LRP2: variants seen among roughly 807,000 people sequenced by gnomAD.
The protein encoded by LRP2 is low-density lipoprotein receptor-related protein 2.
Under a neutral mutation model 531.0 loss-of-function variants are expected in LRP2, and 172 were observed. The observed-to-expected ratio is 0.32, with a 90% confidence interval of 0.29 to 0.37. LRP2 has a LOEUF of 0.37. Among genes scored for constraint, LRP2 ranks in the 10% least tolerant of loss-of-function variants. The pLI is 1.00. For synonymous variants in LRP2, 1,992 were observed against 2,027.6 expected (o/e 0.98, Z 0.47); for missense variants, 5,167 against 5,868.3 (o/e 0.88, Z 3.90).
chr2:169,247,452 C>A lies in LRP2; in HGVS notation c.2834G>T (p.Gly945Val), dbSNP rs369537386. Reference protein sequence around the residue: ...AIIRVRKADGGEMTVIRSGIA... With the variant: ...AIIRVRKADGVEMTVIRSGIA... ...GCCACTTCGGATAACTGTCATTTCTCCACCATCTGCTTTCCTGACTCGAAT... is the reference window on the plus strand; with the variant it reads ...GCCACTTCGGATAACTGTCATTTCTACACCATCTGCTTTCCTGACTCGAAT... Residue 945 changes from glycine to valine, a missense_variant, in exon 20 of 79, where the codon GGA becomes GTA. Transcript: ENST00000649046. 1.8e-5 allele frequency: 29 copies of A among 1,614,030 alleles called. No homozygotes were observed. The highest frequency in any genetic ancestry group is 4.0e-5 in the African/African-American group (3 of 74,940).
At chr2:169,352,723 C>T (rs1273129245) in intron 1 of LRP2, among the ~76,000 whole-genome samples, 1 of 152,060 alleles carries the variant, frequency 6.6e-6, no homozygotes, top group Non-Finnish European at 1.5e-5. Flanking sequence ...ACGCTGGAAG[C>T]CATCATTCTC....
At chr2:169,296,371 T>TG (rs1165134127) in intron 4 of LRP2, among the ~76,000 whole-genome samples, 2 of 152,148 alleles carry the variant, frequency 1.3e-5, no homozygotes, top group Non-Finnish European at 1.5e-5. Flanking sequence ...CTAGAGTTAT[T>TG]GCGTCTTTCC....
rs997268187 is a variant in LRP2 at position 169,220,395 on chromosome 2, C to A, written c.5648+59G>T. ...ATTTGAAATCTTCCATTTTGTCAGA[C>A]CCTGACATTAACAAGAACAATGCTG... On this transcript the variant is annotated intron_variant, in intron 34 of 78. Transcript: ENST00000649046. 5 of 1,248,892 alleles carry A rather than the reference C, an allele frequency of 4.0e-6. No homozygotes were observed. In the African/African-American group the frequency reaches 7.4e-5, roughly 18 times the overall value. The allele number at this position is 1,248,892 out of a possible 1,614,324, so 77.4% of individuals were successfully genotyped here.
chr2:169,177,828 C>T lies in LRP2; in HGVS notation c.10368G>A (p.Val3456=), dbSNP rs2105288529. The T allele has an allele frequency of 6.2e-7, 1 of 1,614,232 alleles. No homozygotes were observed. The highest frequency in any genetic ancestry group is 8.5e-7 in the Non-Finnish European group (1 of 1,180,024). Reference sequence around the variant, plus strand: ...CAATGGGCTGCCTATATGGATGGTACACATGGATGTCAAATGGTCTGTGTG... The same window carrying T: ...CAATGGGCTGCCTATATGGATGGTATACATGGATGTCAAATGGTCTGTGTG... ...NTTHRPFDIH[V]YHPYRQPIVS... The change falls in exon 53 of 79, where the codon GTG becomes GTA. Residue 3456 remains valine, a synonymous_variant. Transcript: ENST00000649046.
chr2:169,298,798 C>A (rs1434816117), intron 4 of LRP2, among the ~76,000 whole-genome samples: 2 of 151,722 alleles, frequency 1.3e-5, no homozygotes, highest in African/African-American at 4.8e-5. Context: ...AGTACCAGGA[C>A]AAACAGGAGA....
chr2:169,199,822 C>T (rs773469091), intron 44 of LRP2, among the ~76,000 whole-genome samples: 15 of 151,988 alleles, frequency 9.9e-5, no homozygotes, highest in Non-Finnish European at 1.9e-4. Flanking sequence ...TTATTATAGG[C>T]ATTTTGAAAT....
chr2:169,175,065 G>A, intron 55 of LRP2, 128 bp downstream of exon 55: 1 of 821,020 alleles, frequency 1.2e-6, no homozygotes, highest in Non-Finnish European at 2.0e-6. Context: ...AAAGGATGGA[G>A]CCTGAGTTTC....
chr2:169,245,039 T>C (rs1689953748), intron 21 of LRP2, 107 bp from the exon 22 acceptor site: 24 of 1,178,896 alleles, frequency 2.0e-5, no homozygotes, highest in Middle Eastern at 2.3e-4. Flanking sequence ...AGGCATTGTA[T>C]ATAATAAGGA....
chr2:169,308,940 T>C (rs947274762), intron 3 of LRP2, among the ~76,000 whole-genome samples: 4 of 152,126 alleles, frequency 2.6e-5, no homozygotes, highest in African/African-American at 9.7e-5. Context: ...TGATATCTCA[T>C]TGTGGTTTTG....
chr2:169,298,597 A>G (rs1684191817), intron 4 of LRP2, among the ~76,000 whole-genome samples: 1 of 152,126 alleles, frequency 6.6e-6, no homozygotes, highest in Non-Finnish European at 1.5e-5. Context: ...GAAAAGAAAA[A>G]GAAGAAACCC....
chr2:169,239,844 G>A (rs1689740732), intron 25 of LRP2, 69 bp from the exon 26 acceptor site: 1 of 1,377,700 alleles, frequency 7.3e-7, no homozygotes, highest in East Asian at 2.3e-5. Flanking sequence ...TCACTCTTAT[G>A]CAATATTTAT....
At chr2:169,273,787 T>A (rs1460501975) in intron 14 of LRP2, among the ~76,000 whole-genome samples, 2 of 152,164 alleles carry the variant, frequency 1.3e-5, no homozygotes, top group East Asian at 3.9e-4. Context: ...GTGGATTGAT[T>A]TGGGGAAACA....
rs564620484 is a variant in LRP2 at position 169,141,139 on chromosome 2, G to C, written c.13109-594C>G. Among the ~76,000 whole-genome samples, 3 of 152,298 alleles carry C rather than the reference G, an allele frequency of 2.0e-5. No individual in the cohort carries two copies. The East Asian group carries it at 5.8e-4, about 29-fold the overall frequency. On this transcript the variant is annotated intron_variant, in intron 71 of 78. Coordinates refer to ENST00000649046, the MANE Select transcript of LRP2 (RefSeq NM_004525.3). Reference sequence around the variant, plus strand: ...TGCCTGATGGGGAATTAGTGCTTCAGTGTCTTTTATATTGAAGATGCTTAA... The same window carrying C: ...TGCCTGATGGGGAATTAGTGCTTCACTGTCTTTTATATTGAAGATGCTTAA...
chr2:169,326,865 G>A (rs1384493809), intron 1 of LRP2, among the ~76,000 whole-genome samples: 10 of 149,214 alleles, frequency 6.7e-5, no homozygotes, highest in South Asian at 2.1e-4. Flanking sequence ...CCTCTGCCCC[G>A]CCGCCCCGTC....
chr2:169,357,868 A>T (rs1006754158), intron 1 of LRP2, among the ~76,000 whole-genome samples: 4 of 152,206 alleles, frequency 2.6e-5, no homozygotes, highest in African/African-American at 9.6e-5. Flanking sequence ...AATTACCTTT[A>T]GTAAGACTGA....
In LRP2 at chr2:169,204,020, T is replaced by C. The variant is rs575429984; in HGVS notation, c.7967A>G (p.Glu2656Gly). 3.7e-6 allele frequency: 6 copies of C among 1,614,204 alleles called. No individual in the cohort carries two copies. In the Admixed American group the frequency reaches 1.0e-4, roughly 27 times the overall value. Reference protein sequence around the residue: ...NQKQQCNNPCEQFNGGCSHIC... With the variant: ...NQKQQCNNPCGQFNGGCSHIC... The stretch of plus-strand genomic sequence containing the variant: ...ATGGCTGCAGCCCCCATTAAACTGT[T>C]CACAAGGATTGTTACACTGTTGTTT... Residue 2656 changes from glutamate (E) to glycine (G), a missense_variant, in exon 42 of 79, where the codon GAA becomes GGA. Glu to Gly is a moderately conservative substitution (Grantham distance 98). Transcript: ENST00000649046.
At chr2:169,160,221 C>T (rs949451147) in intron 63 of LRP2, among the ~76,000 whole-genome samples, 10 of 152,072 alleles carry the variant, frequency 6.6e-5, no homozygotes, top group African/African-American at 1.7e-4. Context: ...AGAAAAAATG[C>T]TAATGTATTT....
intron 50 of LRP2, chr2:169,182,570 T>G: frequency 7.4e-7 from 1 of 1,356,828 alleles, no homozygotes; most frequent in South Asian, 1.5e-5. Context: ...GGGACACACT[T>G]CATTCGACGG....
At chr2:169,202,361 A>T (rs1345204718) in intron 43 of LRP2, among the ~76,000 whole-genome samples, 1 of 152,196 alleles carries the variant, frequency 6.6e-6, no homozygotes, top group Admixed American at 6.5e-5. Flanking sequence ...GTAAAATGAT[A>T]CGTTTCCTTA....
Sources: allele counts gnomAD v4.1 joint callset (sites outside exome capture counted in the v4.1 genomes callset), GRCh38; gene constraint gnomAD v4.1.1; transcripts MANE v1.5; gene names NCBI Gene and HGNC (gene_info 2026-07-23, HGNC 2026-07-21).